Variants in AUTS2 observed in about 807,000 individuals in gnomAD.
The protein encoded by AUTS2 is autism susceptibility gene 2 protein.
Under a neutral mutation model 112.4 loss-of-function variants are expected in AUTS2, and 17 were observed. The observed-to-expected ratio is 0.15, with a 90% confidence interval of 0.10 to 0.23. The LOEUF (loss-of-function observed/expected upper bound fraction) is 0.23, where lower values mean the gene tolerates loss of function less well. AUTS2 is among the 10% of genes least tolerant of loss of function. AUTS2 has a pLI of 1.00. For missense variants in AUTS2, 1,510 were observed against 1,701.6 expected (o/e 0.89, Z 1.98); for synonymous variants, 751 against 702.7 (o/e 1.07, Z -1.09).
chr7:70,001,953 T>A (rs1343777104), intron 2 of AUTS2, among the ~76,000 whole-genome samples: 1 of 152,002 alleles, frequency 6.6e-6, no homozygotes, highest in Non-Finnish European at 1.5e-5. Context: ...TCAGGTGATC[T>A]GCCTACCTTG....
intron 1 of AUTS2, among the ~76,000 whole-genome samples, chr7:69,693,327 T>C (rs1797425099): frequency 6.6e-6 from 1 of 152,254 alleles, no homozygotes; most frequent in Non-Finnish European, 1.5e-5. Flanking sequence ...AGGACTTTTT[T>C]GGCAAATAGT....
chr7:70,273,966 G>C (rs982881462), intron 4 of AUTS2, among the ~76,000 whole-genome samples: 2 of 152,132 alleles, frequency 1.3e-5, no homozygotes. Context: ...TTTAGAACCA[G>C]ATAAATTAGT....
intron 4 of AUTS2, among the ~76,000 whole-genome samples, chr7:70,197,261 CCACACACA>C (rs10618080): frequency 3.4e-5 from 5 of 149,124 alleles, no homozygotes; most frequent in Non-Finnish European, 4.5e-5. Context: ...AATTCTTAGT[CCACACACA>C]CACACACACA....
intron 1 of AUTS2, among the ~76,000 whole-genome samples, chr7:69,809,562 A>G (rs1790455866): frequency 1.3e-5 from 2 of 152,134 alleles, no homozygotes; most frequent in African/African-American, 2.4e-5. Flanking sequence ...TCAAAAGACA[A>G]ATACCCATGC....
In AUTS2 at chr7:70,399,787, A is replaced by C. The variant is rs911071450; in HGVS notation, c.661-35965A>C. Among the ~76,000 whole-genome samples, 4 of 152,246 alleles carry C rather than the reference A, an allele frequency of 2.6e-5. No individual in the cohort carries two copies. In the South Asian group the frequency reaches 8.3e-4, roughly 32 times the overall value. ...AAAATAAAATAAAATAAAAATAAAT[A>C]AAAACTTGGGATGGATTACAGCTGA... On this transcript the variant is annotated intron_variant, in intron 4 of 18. Transcript: ENST00000342771.
intron 4 of AUTS2, among the ~76,000 whole-genome samples, chr7:70,322,981 G>A (rs1790325098): frequency 6.6e-6 from 1 of 152,288 alleles, no homozygotes; most frequent in South Asian, 2.1e-4. Context: ...CCCCAGATGG[G>A]GGCCTCCCAG....
chr7:70,605,248 G>A (rs1004712392), intron 5 of AUTS2, among the ~76,000 whole-genome samples: 1 of 152,064 alleles, frequency 6.6e-6, no homozygotes, highest in Non-Finnish European at 1.5e-5. Flanking sequence ...TTCTTTCCTT[G>A]GAAATGCTGA....
intron 6 of AUTS2, among the ~76,000 whole-genome samples, chr7:70,727,802 A>G (rs1381254016): frequency 6.6e-6 from 1 of 152,106 alleles, no homozygotes; most frequent in African/African-American, 2.4e-5. Flanking sequence ...TTAAAATCCT[A>G]CTCCTGGGCA....
chr7:70,519,448 A>T (rs1044914766), intron 5 of AUTS2, among the ~76,000 whole-genome samples: 4 of 152,214 alleles, frequency 2.6e-5, no homozygotes, highest in Non-Finnish European at 2.9e-5. Context: ...TCCCAGCCCA[A>T]CCAAGAACCA....
intron 5 of AUTS2, among the ~76,000 whole-genome samples, chr7:70,667,411 C>T (rs1244969286): frequency 6.6e-6 from 1 of 152,156 alleles, no homozygotes; most frequent in Non-Finnish European, 1.5e-5. Flanking sequence ...TCTCACTGGG[C>T]TGATTTGAGA....
intron 4 of AUTS2, among the ~76,000 whole-genome samples, chr7:70,380,501 C>G (rs1005480633): frequency 1.3e-5 from 2 of 152,182 alleles, no homozygotes; most frequent in Non-Finnish European, 2.9e-5. Context: ...GGACCACGTC[C>G]GTGGCTGTGA....
At chr7:69,934,311 A>G (rs2129544250) in intron 2 of AUTS2, among the ~76,000 whole-genome samples, 1 of 152,336 alleles carries the variant, frequency 6.6e-6, no homozygotes. Flanking sequence ...GAGATCTCAT[A>G]GTGGCATGTT....
In AUTS2 at chr7:70,574,530, G is replaced by A. The variant is rs532013955; in HGVS notation, c.691-124039G>A. Among the ~76,000 whole-genome samples the A allele has an allele frequency of 4.1e-4, 63 of 152,234 alleles. 1 individual carries two copies. Among genetic ancestry groups the A allele is most frequent in the Non-Finnish European group, 3.4e-4 (23 of 68,016 alleles). ...CTTTGGCCTACATAGTACAAGCAAC[G>A]TTTGAACTCCTGTTTTGCTCTTAGC... On this transcript the variant is annotated intron_variant, in intron 5 of 18. Coordinates refer to ENST00000342771, the MANE Select transcript of AUTS2 (RefSeq NM_015570.4).
At chr7:69,676,860 C>T (rs1796590840) in intron 1 of AUTS2, among the ~76,000 whole-genome samples, 1 of 150,614 alleles carries the variant, frequency 6.6e-6, no homozygotes, top group Admixed American at 6.6e-5. Flanking sequence ...GTTTTCTGAC[C>T]ATGCTTCATA....
intron 2 of AUTS2, among the ~76,000 whole-genome samples, chr7:70,098,566 C>A (rs1038542925): frequency 4.6e-5 from 7 of 151,892 alleles, no homozygotes; most frequent in African/African-American, 1.7e-4. Flanking sequence ...TGGAGTCTCA[C>A]TCAAAGGGGG....
chr7:70,713,592 CTTG>C (rs751732695), intron 6 of AUTS2, among the ~76,000 whole-genome samples: 56 of 152,282 alleles, frequency 3.7e-4, no homozygotes, highest in Non-Finnish European at 6.6e-4. Flanking sequence ...AGCTAGAGGA[CTTG>C]TTAAGATACA....
chr7:70,320,286 T>C (rs1023968205), intron 4 of AUTS2, among the ~76,000 whole-genome samples: 2 of 152,222 alleles, frequency 1.3e-5, no homozygotes, highest in Admixed American at 1.3e-4. Flanking sequence ...ATCATCTTTG[T>C]ACTCTTACCT....
chr7:70,022,144 G>T (rs1398960815), intron 2 of AUTS2, among the ~76,000 whole-genome samples: 2 of 149,362 alleles, frequency 1.3e-5, no homozygotes, highest in East Asian at 3.9e-4. Context: ...TGTCATAATT[G>T]GCAAAAACAT....
chr7:69,712,940 T>A (rs1798400000), intron 1 of AUTS2, among the ~76,000 whole-genome samples: 1 of 152,138 alleles, frequency 6.6e-6, no homozygotes, highest in African/African-American at 2.4e-5. Context: ...TAAAATCTCG[T>A]TGTGGTTTAC....
Sources: gnomAD v4.1 joint callset for allele counts (sites outside exome capture counted in the v4.1 genomes callset) on GRCh38, gnomAD v4.1.1 for gene constraint, MANE v1.5 for transcripts, NCBI Gene and HGNC (gene_info 2026-07-23, HGNC 2026-07-21) for gene names.